Variants in RNF31 observed in about 807,000 individuals in gnomAD.
The protein encoded by RNF31 is ring finger protein 31, also known as E3 ubiquitin-protein ligase RNF31.
RNF31 carries 38 observed loss-of-function variants against 133.6 expected under a neutral mutation model. The observed-to-expected ratio is 0.28, with a 90% CI of 0.22 to 0.37. RNF31 has a LOEUF of 0.37. Among genes scored for constraint, RNF31 ranks in the 10% least tolerant of loss-of-function variants. The pLI is 1.00. For missense variants in RNF31, 1,118 were observed against 1,394.1 expected (o/e 0.80, Z 3.15); for synonymous variants, 582 against 552.3 (o/e 1.05, Z -0.75).
Position 24,149,592 on chromosome 14 carries a change from G to A in RNF31, c.809+9G>A. ...ACCCACCTGAGCCCCAGGTGAGAGG[G>A]CTTCTCTTCTGGGTGGGAGTGAAAT... On this transcript the variant is annotated intron_variant, in intron 6 of 20. Transcript: ENST00000324103. The A allele has an allele frequency of 1.2e-6, 2 of 1,608,554 alleles. No individual in the cohort carries two copies. Among genetic ancestry groups the A allele is most frequent in the East Asian group, 2.2e-5 (1 of 44,830 alleles).
In RNF31 at chr14:24,160,207, A is replaced by T; in HGVS notation, c.2997-32A>T. On this transcript the variant is annotated intron_variant, in intron 19 of 20. Transcript: ENST00000324103. This position sits in a 1 kb window ranked among gnomAD's most constrained non-coding sequence, Gnocchi z 4.0. ...ACACACTCAGTTAATATTAGCCAAC[A>T]CAACAAATATTCTGCTCCCTTTTCT... 1 of 1,594,430 alleles carries T rather than the reference A, an allele frequency of 6.3e-7. No individual in the cohort carries two copies. The highest frequency in any genetic ancestry group is 8.5e-7 in the Non-Finnish European group (1 of 1,169,876).
At chr14:24,148,513 G>A in intron 3 of RNF31, 100 bp downstream of exon 3, 1 of 1,577,636 alleles carries the variant, frequency 6.3e-7, no homozygotes, top group Non-Finnish European at 8.7e-7. Flanking sequence ...TGAACTATGG[G>A]CATAGTTCAG....
chr14:24,160,401 G>A lies in RNF31; in HGVS notation c.3159G>A (p.Leu1053=). ...GEDPPAYQAR[L]LQKLTEEVPL... is the part of the protein sequence containing the mutation. ...ATCCCCCTGCTTACCAGGCCCGCTT[G>A]TTACAGGTATAGCCTCCACCCAGCC... is the stretch of plus-strand genomic sequence containing the variant. The change falls in exon 20 of 21, where the codon TTG becomes TTA. Residue 1053 remains leucine (L), a synonymous_variant. Transcript: ENST00000324103. The surrounding 1 kb of genome is among the most constrained non-coding windows in gnomAD (Gnocchi z 4.0). The A allele has an allele frequency of 6.2e-7, 1 of 1,614,050 alleles. No individual in the cohort carries two copies. The highest frequency in any genetic ancestry group is 8.5e-7 in the Non-Finnish European group (1 of 1,179,946).
At chr14:24,149,066 C>T (rs950858997) in intron 5 of RNF31, 190 bp downstream of exon 5, 18 of 632,358 alleles carry the variant, frequency 2.8e-5, no homozygotes, top group African/African-American at 7.3e-5. Flanking sequence ...CGGGTTCAAG[C>T]GATTCTCCTG....
At chr14:24,158,950 A>ACT (rs2038390664) in intron 18 of RNF31, among the ~76,000 whole-genome samples, 2 of 144,946 alleles carry the variant, frequency 1.4e-5, no homozygotes, top group Non-Finnish European at 3.0e-5. Context: ...GGAGAATGGC[A>ACT]TGAACCCGGG....
chr14:24,150,928 C>G (rs2038256347), intron 8 of RNF31, 40 bp downstream of exon 8: 7 of 1,532,632 alleles, frequency 4.6e-6, no homozygotes, highest in Non-Finnish European at 6.1e-6. Context: ...CTGAGCTGGT[C>G]TGGGAAAGGA....
chr14:24,158,765 A>G lies in RNF31; in HGVS notation c.2899+566A>G, dbSNP rs553450696. 6.9e-3 allele frequency: 1,047 copies of G among 152,614 alleles called. 5 individuals are homozygous for G. The highest frequency in any genetic ancestry group is 0.02 in the African/African-American group (836 of 41,500). The allele number at this position is 152,614 out of a possible 1,614,324, so 9.5% of individuals were successfully genotyped here. On this transcript the variant is annotated intron_variant, in intron 18 of 20. Coordinates refer to ENST00000324103, the MANE Select transcript of RNF31 (RefSeq NM_017999.5). ...AAAATAGAGGTGGCCGGCCGGGCAC[A>G]TTGGCTCATGCCTGTAATCCCAGCA... is the stretch of plus-strand genomic sequence containing the variant.
At position 24,149,436 on chromosome 14, in the gene RNF31, G is replaced by T; in HGVS notation, c.662G>T (p.Gly221Val). The part of the protein sequence containing the change: ...GSTPGPCFLC[G>V]SAPGTLHCPS... Reference sequence around the variant, plus strand: ...ACTCCTGGTCCCTGCTTCCTCTGTGGTTCTGCCCCAGGCACACTGCACTGC... The same window carrying T: ...ACTCCTGGTCCCTGCTTCCTCTGTGTTTCTGCCCCAGGCACACTGCACTGC... Residue 221 changes from glycine to valine, a missense_variant, in exon 6 of 21, where the codon GGT (glycine) becomes GTT (valine). Physicochemically the swap from Gly to Val is moderately radical, Grantham distance 109. Transcript: ENST00000324103. 1 of 1,614,110 alleles carries T rather than the reference G, an allele frequency of 6.2e-7. No homozygotes were observed.
chr14:24,147,409 C>T (rs150934068), upstream of RNF31: 2,923 of 306,560 alleles, frequency 9.5e-3, 26 homozygotes, highest in Non-Finnish European at 0.012. Flanking sequence ...CCCTCTTGGC[C>T]GCGCCCCCTG....
upstream of RNF31, chr14:24,146,928 G>T: frequency 2.6e-6 from 1 of 385,314 alleles, no homozygotes; most frequent in Non-Finnish European, 4.8e-6. Flanking sequence ...TGGGAGTATG[G>T]CAAAGGGGGT....
At position 24,155,788 on chromosome 14, in the gene RNF31, C is replaced by T. The variant is rs1329239624; in HGVS notation, c.2493+96C>T. 1.9e-6 allele frequency: 2 copies of T among 1,034,726 alleles called. No individual in the cohort carries two copies. Among genetic ancestry groups the T allele is most frequent in the Non-Finnish European group, 3.0e-6 (2 of 669,936 alleles). The allele number at this position is 1,034,726 out of a possible 1,614,324, so 64.1% of individuals were successfully genotyped here. ...TTTGTGTACTGGAGAGCAAAACAGA[C>T]ATGAGCTCTGAGGTCAAAAGAGCTT... On this transcript the variant is annotated intron_variant, in intron 14 of 20. Coordinates refer to ENST00000324103, the MANE Select transcript of RNF31 (RefSeq NM_017999.5). The surrounding 1 kb of genome is among the most constrained non-coding windows in gnomAD (Gnocchi z 4.9).
chr14:24,158,053 G>T, intron 17 of RNF31, 42 bp downstream of exon 17: 1 of 1,611,978 alleles, frequency 6.2e-7, no homozygotes, highest in Non-Finnish European at 8.5e-7. Flanking sequence ...GCCCAGGGTG[G>T]GCAAGAATGG....
At chr14:24,157,871 C>A (rs755204746) in intron 16 of RNF31, 27 bp from the exon 17 acceptor site, 5 of 1,595,506 alleles carry the variant, frequency 3.1e-6, no homozygotes, top group Non-Finnish European at 3.4e-6. Flanking sequence ...TCTCCAACTT[C>A]CTCTCTCCCA....
At chr14:24,159,652 G>A in intron 18 of RNF31, 1 of 413,672 alleles carries the variant, frequency 2.4e-6, no homozygotes, top group Non-Finnish European at 4.4e-6. Context: ...AGCCAGCTTG[G>A]ATAAAAGTAG....
intron 15 of RNF31, 53 bp from the exon 16 acceptor site, chr14:24,157,467 G>A (rs1594382886): frequency 1.2e-6 from 2 of 1,603,800 alleles, no homozygotes; most frequent in East Asian, 2.2e-5. Context: ...CTCTCTTCCT[G>A]AGGGCCTTGA....
Position 24,147,994 on chromosome 14 carries a change from A to G in RNF31, c.211A>G (p.Thr71Ala), listed in dbSNP as rs1192858141. 1 of 1,613,108 alleles carries G rather than the reference A, an allele frequency of 6.2e-7. No individual in the cohort carries two copies. The highest frequency in any genetic ancestry group is 1.3e-5 in the African/African-American group (1 of 74,478). ...AHGEPRNYLNTLSTALNILEK... is the reference protein window; with the variant it reads ...AHGEPRNYLNALSTALNILEK... ...CTCCCAGCCCCGAAACTACCTCAAC[A>G]CCCTGTCCACGGCTCTGAACATCCT... The change falls in exon 2 of 21, where the codon ACC becomes GCC. Residue 71 changes from threonine to alanine, a missense_variant. This residue lies in a region of RNF31 where 747 missense variants were observed against 827.9 expected (regional missense o/e 0.90). Transcript: ENST00000324103.
chr14:24,148,359 T>G lies in RNF31; in HGVS notation c.441T>G (p.Ala147=), dbSNP rs1193616351. ...GQEEPDEHQV[A]TVTLEVLLLR... ...AGGAGCCAGATGAGCACCAGGTTGC[T>G]ACAGTCACACTGGAAGTACTGCTGC... Residue 147 remains alanine (A), a synonymous_variant, in exon 3 of 21, where the codon GCT becomes GCG. Transcript: ENST00000324103. 1 of 1,614,184 alleles carries G rather than the reference T, an allele frequency of 6.2e-7. No homozygotes were observed. The highest frequency in any genetic ancestry group is 1.1e-5 in the South Asian group (1 of 91,086).
Position 24,155,511 on chromosome 14 carries a change from A to G in RNF31, c.2402A>G (p.Gln801Arg). The stretch of plus-strand genomic sequence containing the variant: ...GACCCCAAGTTCTTGTGGTGTGCCC[A>G]GGTAAGTGGCCTGCCCAGGGCAGCT... Reference protein sequence around the residue: ...MRDPKFLWCAQCSFGFIYERE... With the variant: ...MRDPKFLWCARCSFGFIYERE... Residue 801 changes from glutamine to arginine, a missense_variant and splice_region_variant, in exon 13 of 21, where the codon CAG becomes CGG. Gln to Arg is a conservative substitution (Grantham distance 43). Coordinates refer to ENST00000324103, the MANE Select transcript of RNF31 (RefSeq NM_017999.5). This position sits in a 1 kb window ranked among gnomAD's most constrained non-coding sequence, Gnocchi z 4.9. 1 of 1,614,194 alleles carries G rather than the reference A, an allele frequency of 6.2e-7. No homozygotes were observed. Among genetic ancestry groups the G allele is most frequent in the Non-Finnish European group, 8.5e-7 (1 of 1,180,018 alleles).
intron 14 of RNF31, among the ~76,000 whole-genome samples, chr14:24,156,624 C>G (rs2038344265): frequency 6.6e-6 from 1 of 152,002 alleles, no homozygotes; most frequent in South Asian, 2.1e-4. Context: ...ACTAAAAATA[C>G]AAAAATTAGC....
Sources: allele counts gnomAD v4.1 joint callset (sites outside exome capture counted in the v4.1 genomes callset), GRCh38; gene constraint gnomAD v4.1.1; regional missense constraint gnomAD v4.1.1; non-coding constraint Gnocchi (gnomAD v3.1); transcripts MANE v1.5; gene names NCBI Gene and HGNC (gene_info 2026-07-23, HGNC 2026-07-21).